ATP10B: variants seen among roughly 807,000 people sequenced by gnomAD.
ATP10B encodes phospholipid-transporting ATPase VB.
Under a neutral mutation model 141.2 loss-of-function variants are expected in ATP10B, and 122 were observed. The ratio of observed to expected loss-of-function variants is 0.86; its 90% confidence interval spans 0.75 to 1.00. ATP10B has a LOEUF of 1.00. ATP10B is among the 50% of genes least tolerant of loss of function. The pLI, the probability that ATP10B is intolerant of heterozygous loss-of-function variation, is 0.00. For synonymous variants in ATP10B, 685 were observed against 692.0 expected (o/e 0.99, Z 0.16); for missense variants, 1,876 against 1,825.3 (o/e 1.03, Z -0.51).
At chr5:160,868,932 A>C in the ATP10B span, among the ~76,000 whole-genome samples, 1 of 152,154 alleles carries the variant, frequency 6.6e-6, no homozygotes, top group Admixed American at 6.6e-5. Flanking sequence ...CAAGAAATTC[A>C]TATAAGGCTT....
intron 5 of ATP10B, chr5:160,687,064 T>G (rs1763801036): frequency 2.0e-6 from 1 of 512,526 alleles, no homozygotes; most frequent in Admixed American, 6.4e-5. Context: ...CCCTTTTCAC[T>G]CAGGTAATGC....
At chr5:160,828,994 G>A (rs1774854743) in intron 1 of ATP10B, among the ~76,000 whole-genome samples, 1 of 141,492 alleles carries the variant, frequency 7.1e-6, no homozygotes, top group African/African-American at 2.6e-5. Flanking sequence ...ACTCATAGAT[G>A]GGAATTGAAC....
At chr5:160,823,685 T>C (rs1440923615) in intron 1 of ATP10B, among the ~76,000 whole-genome samples, 1 of 152,016 alleles carries the variant, frequency 6.6e-6, no homozygotes, top group African/African-American at 2.4e-5. Flanking sequence ...ATACAAAAAA[T>C]TAGCCAGGCG....
At chr5:160,684,701 G>A in intron 6 of ATP10B, 1 of 584,724 alleles carries the variant, frequency 1.7e-6, no homozygotes. Context: ...TCACTGTAGA[G>A]AACTGAACAG....
At chr5:160,849,450 C>G (rs1459510552) in intron 1 of ATP10B, among the ~76,000 whole-genome samples, 1 of 152,096 alleles carries the variant, frequency 6.6e-6, no homozygotes, top group South Asian at 2.1e-4. Context: ...TCACTAATAA[C>G]GAAAGCAGAA....
intron 15 of ATP10B, among the ~76,000 whole-genome samples, chr5:160,618,960 T>C (rs1457551685): frequency 6.6e-6 from 1 of 152,220 alleles, no homozygotes; most frequent in Non-Finnish European, 1.5e-5. Flanking sequence ...CAGAAAAGTA[T>C]AATGAAGTCC....
the ATP10B span, among the ~76,000 whole-genome samples, chr5:160,904,259 G>C: frequency 6.6e-6 from 1 of 152,142 alleles, no homozygotes; most frequent in Non-Finnish European, 1.5e-5. Flanking sequence ...CAGACTGCCA[G>C]GGTTTCCACT....
rs59533792 is a variant in ATP10B at position 160,594,389 on chromosome 5, C to T, written c.3565-3250G>A. On this transcript the variant is annotated intron_variant, in intron 22 of 25. Coordinates refer to ENST00000327245, the MANE Select transcript of ATP10B (RefSeq NM_025153.3). ...GCCCTAAAAGAGCTCCTGAAGGAAG[C>T]ACTAAACATGGAAAGGAACAACCAG... is the stretch of plus-strand genomic sequence containing the variant. Among the ~76,000 whole-genome samples, 288 of 152,234 alleles carry T rather than the reference C, an allele frequency of 1.9e-3. 1 individual carries two copies. The highest frequency in any genetic ancestry group is 6.3e-3 in the African/African-American group (261 of 41,536).
chr5:160,622,248 T>A, intron 14 of ATP10B, 146 bp downstream of exon 14: 1 of 744,876 alleles, frequency 1.3e-6, no homozygotes, highest in East Asian at 2.8e-5. Flanking sequence ...AAGAGACCTA[T>A]TCTAGGTTTC....
intron 1 of ATP10B, among the ~76,000 whole-genome samples, chr5:160,823,701 G>T (rs1354344524): frequency 6.6e-6 from 1 of 152,088 alleles, no homozygotes; most frequent in African/African-American, 2.4e-5. Context: ...AGGCGTGGTG[G>T]CAGCCGCCTG....
chr5:160,814,740 G>A (rs56075734), intron 1 of ATP10B, among the ~76,000 whole-genome samples: 50,605 of 151,928 alleles, frequency 0.33, 9,625 homozygotes, highest in East Asian at 0.44. Flanking sequence ...AGAGAGAAAG[G>A]TCAGGTTACC....
At chr5:160,630,873 G>A (rs1374301550) in intron 13 of ATP10B, among the ~76,000 whole-genome samples, 2 of 152,208 alleles carry the variant, frequency 1.3e-5, no homozygotes, top group Non-Finnish European at 2.9e-5. Flanking sequence ...AGTTAGATGA[G>A]TAATGACCCA....
intron 1 of ATP10B, among the ~76,000 whole-genome samples, chr5:160,801,662 C>T (rs1772375275): frequency 6.6e-6 from 1 of 152,104 alleles, no homozygotes; most frequent in South Asian, 2.1e-4. Flanking sequence ...ATCAGGTATC[C>T]AGGTAAAGAC....
chr5:160,569,574 C>G lies in ATP10B; in HGVS notation c.3860G>C (p.Trp1287Ser). Residue 1287 changes from tryptophan to serine, a missense_variant, in exon 25 of 26, where the codon TGG (tryptophan) becomes TCG (serine). Physicochemically the swap from Trp to Ser is radical, Grantham distance 177 (BLOSUM62 -3). Coordinates refer to ENST00000327245, the MANE Select transcript of ATP10B (RefSeq NM_025153.3). ...GTTTGAGAGCTGGCCTTCCATCACC[C>G]AATAGGGATTGGTGGGGCTGTTGCA... is the stretch of plus-strand genomic sequence containing the variant. The part of the protein sequence containing the change: ...VICNSPTNPY[W>S]VMEGQLSNPT... 1 of 1,613,860 alleles carries G rather than the reference C, an allele frequency of 6.2e-7. No individual in the cohort carries two copies. Among genetic ancestry groups the G allele is most frequent in the Non-Finnish European group, 8.5e-7 (1 of 1,179,878 alleles).
chr5:160,905,618 T>G, the ATP10B span, among the ~76,000 whole-genome samples: 1 of 152,172 alleles, frequency 6.6e-6, no homozygotes, highest in African/African-American at 2.4e-5. Flanking sequence ...CTTTGCATGG[T>G]GGGCTTGTTG....
the ATP10B span, among the ~76,000 whole-genome samples, chr5:160,869,331 C>T: frequency 6.6e-6 from 1 of 152,124 alleles, no homozygotes; most frequent in African/African-American, 2.4e-5. Context: ...TCCTTAGCTA[C>T]TGTCATATAT....
intron 2 of ATP10B, among the ~76,000 whole-genome samples, chr5:160,765,083 A>G (rs1305658649): frequency 1.3e-5 from 2 of 152,250 alleles, no homozygotes; most frequent in Non-Finnish European, 2.9e-5. Flanking sequence ...TGACACAAAC[A>G]AATGTAAAAA....
intron 19 of ATP10B, among the ~76,000 whole-genome samples, chr5:160,605,332 C>A (rs1175177281): frequency 6.6e-6 from 1 of 152,158 alleles, no homozygotes; most frequent in Non-Finnish European, 1.5e-5. Context: ...TAAAATATTT[C>A]TTGATTGCAT....
intron 18 of ATP10B, among the ~76,000 whole-genome samples, chr5:160,610,557 G>A (rs565709193): frequency 6.6e-6 from 1 of 152,276 alleles, no homozygotes; most frequent in South Asian, 2.1e-4. Context: ...GGAGTAATTT[G>A]TTATGTACCA....
Sources: allele counts gnomAD v4.1 joint callset (sites outside exome capture counted in the v4.1 genomes callset), GRCh38; gene constraint gnomAD v4.1.1; transcripts MANE v1.5; gene names NCBI Gene and HGNC (gene_info 2026-07-23, HGNC 2026-07-21).